The following SLC71A2 variants were observed in gnomAD, a reference collection of about 807,000 sequenced individuals.
SLC71A2 encodes hippocampus abundant transcript-like 1.
the SLC71A2 span, among the ~76,000 whole-genome samples, chr9:94,430,068 C>G: frequency 6.6e-6 from 1 of 151,476 alleles, no homozygotes; most frequent in South Asian, 2.1e-4. Context: ...CCACGCCCAG[C>G]TGATTTTTGT....
the SLC71A2 span, among the ~76,000 whole-genome samples, chr9:94,451,223 A>G: frequency 1.5e-4 from 23 of 152,362 alleles, no homozygotes; most frequent in South Asian, 4.8e-3. Context: ...AGGTAGACAT[A>G]TAATAGAAAA....
chr9:94,444,492 AAC>A, the SLC71A2 span, among the ~76,000 whole-genome samples: 1 of 152,252 alleles, frequency 6.6e-6, no homozygotes, highest in African/African-American at 2.4e-5. Context: ...AAAATGTTCA[AAC>A]AGTGCAGTGT....
the SLC71A2 span, among the ~76,000 whole-genome samples, chr9:94,458,812 C>T: frequency 6.6e-6 from 1 of 152,156 alleles, no homozygotes; most frequent in African/African-American, 2.4e-5. Flanking sequence ...AATTTCTTCC[C>T]TTGTTCCCTC....
chr9:94,433,175 G>C, the SLC71A2 span: 1 of 256,268 alleles, frequency 3.9e-6, no homozygotes, highest in Admixed American at 4.3e-5. Flanking sequence ...TGGCATATTG[G>C]TGGGATGGCT....
chr9:94,405,218 G>A, the SLC71A2 span, among the ~76,000 whole-genome samples: 11 of 151,996 alleles, frequency 7.2e-5, no homozygotes, highest in African/African-American at 2.2e-4. Context: ...AGACTAGGCC[G>A]GGCGCAGTGG....
the SLC71A2 span, among the ~76,000 whole-genome samples, chr9:94,413,979 T>C: frequency 6.6e-6 from 1 of 152,160 alleles, no homozygotes; most frequent in Non-Finnish European, 1.5e-5. Context: ...TGTGGTAGTC[T>C]TGATCTTTGG....
At chr9:94,456,304 C>A in the SLC71A2 span, 1 of 1,614,104 alleles carries the variant, frequency 6.2e-7, no homozygotes, top group Non-Finnish European at 8.5e-7. Context: ...AATCAGTGCC[C>A]TCGTCTCTCG....
the SLC71A2 span, among the ~76,000 whole-genome samples, chr9:94,446,083 G>A: frequency 8.5e-5 from 13 of 152,096 alleles, no homozygotes; most frequent in East Asian, 3.9e-4. Flanking sequence ...TTACTTTTCC[G>A]GGCAATCGTG....
the SLC71A2 span, among the ~76,000 whole-genome samples, chr9:94,451,150 T>C: frequency 1.3e-5 from 2 of 152,206 alleles, no homozygotes; most frequent in Admixed American, 1.3e-4. Flanking sequence ...GTTTCATTTT[T>C]TATTACTTGA....
At chr9:94,456,999 C>T in the SLC71A2 span, among the ~76,000 whole-genome samples, 4 of 138,556 alleles carry the variant, frequency 2.9e-5, no homozygotes, top group African/African-American at 1.0e-4. Flanking sequence ...TACAGGGTCT[C>T]ACTGTCACCC....
At chr9:94,454,181 G>T in the SLC71A2 span, 1 of 712,738 alleles carries the variant, frequency 1.4e-6, no homozygotes, top group Non-Finnish European at 2.5e-6. Context: ...CTGGTTTGGT[G>T]TATTCAACAT....
At chr9:94,455,946 T>A in the SLC71A2 span, among the ~76,000 whole-genome samples, 8 of 152,158 alleles carry the variant, frequency 5.3e-5, no homozygotes, top group African/African-American at 9.7e-5. Flanking sequence ...TTCATTGAGC[T>A]TATGTCTAAA....
At chr9:94,454,995 C>T in the SLC71A2 span, among the ~76,000 whole-genome samples, 19 of 151,994 alleles carry the variant, frequency 1.3e-4, no homozygotes, top group African/African-American at 4.6e-4. Flanking sequence ...GCAGAAATGC[C>T]TTCTCCATTT....
chr9:94,433,319 C>T, the SLC71A2 span: 1 of 154,844 alleles, frequency 6.5e-6, no homozygotes, highest in African/African-American at 2.4e-5. Flanking sequence ...CAGCCTTTCC[C>T]ACAGGTGCAG....
At chr9:94,440,180 GTCTC>G in the SLC71A2 span, among the ~76,000 whole-genome samples, 350 of 151,676 alleles carry the variant, frequency 2.3e-3, 2 homozygotes, top group African/African-American at 8.0e-3. Context: ...TTGAGACGGA[GTCTC>G]TCTCTGTCGC....
At chr9:94,459,585 CTCTTACATTCTTTTTTTTTT>C in the SLC71A2 span, 1 of 547,804 alleles carries the variant, frequency 1.8e-6, no homozygotes, top group South Asian at 3.0e-5. Flanking sequence ...TTTTTTTTTT[CTCTTACATTCTTTTTTTTTT>C]TCCTGTTTAT....
the SLC71A2 span, among the ~76,000 whole-genome samples, chr9:94,424,640 A>G: frequency 6.6e-6 from 1 of 151,648 alleles, no homozygotes; most frequent in Non-Finnish European, 1.5e-5. Context: ...CAGCTCTTCA[A>G]TACCCACAAA....
the SLC71A2 span, among the ~76,000 whole-genome samples, chr9:94,442,972 C>CAGAGTT: frequency 6.6e-6 from 1 of 152,070 alleles, no homozygotes; most frequent in Non-Finnish European, 1.5e-5. Context: ...GCTTGGCCAA[C>CAGAGTT]AGAGTAGTGA....
At chr9:94,405,349 G>A in the SLC71A2 span, among the ~76,000 whole-genome samples, 151 of 152,004 alleles carry the variant, frequency 9.9e-4, 1 homozygote, top group Non-Finnish European at 5.0e-4. Context: ...CAAAAAATTA[G>A]CCGGGCATGG....
Sources: gnomAD v4.1 joint callset for allele counts (sites outside exome capture counted in the v4.1 genomes callset) on GRCh38, gnomAD v4.1.1 for gene constraint, MANE v1.5 for transcripts, NCBI Gene and HGNC (gene_info 2026-07-23, HGNC 2026-07-21) for gene names.